Variants in RBFOX1 observed in about 807,000 individuals in gnomAD.
The protein encoded by RBFOX1 is RNA binding protein fox-1 homolog 1.
RBFOX1 carries 8 observed loss-of-function variants against 57.7 expected under a neutral mutation model. The observed-to-expected ratio is 0.14, with a 90% confidence interval of 0.08 to 0.25. The LOEUF is 0.25. RBFOX1 is among the 10% of genes least tolerant of loss of function. The probability of loss-of-function intolerance (pLI) is 1.00; values close to 1 mark genes in which losing one functional copy is unlikely to be tolerated. For synonymous variants in RBFOX1, 326 were observed against 222.4 expected (o/e 1.47, Z -4.15); for missense variants, 611 against 548.5 (o/e 1.11, Z -1.14).
intron 1 of RBFOX1, among the ~76,000 whole-genome samples, chr16:6,310,851 G>A (rs1389196558): frequency 6.6e-6 from 1 of 150,836 alleles, no homozygotes; most frequent in Non-Finnish European, 1.5e-5. Context: ...TGGGGAGTCA[G>A]CCAGGACTCC....
intron 1 of RBFOX1, among the ~76,000 whole-genome samples, chr16:6,253,687 G>C (rs879724605): frequency 4.8e-5 from 5 of 104,480 alleles, no homozygotes; most frequent in Admixed American, 2.1e-4. Context: ...GTGTGTGTGT[G>C]TGTGTGTGTG....
At chr16:7,461,906 A>C (rs952390806) in intron 4 of RBFOX1, among the ~76,000 whole-genome samples, 4 of 152,148 alleles carry the variant, frequency 2.6e-5, no homozygotes, top group African/African-American at 9.7e-5. Flanking sequence ...TACCCACTCC[A>C]GAGAGACTTC....
At chr16:7,000,725 C>G (rs1376853726) in intron 3 of RBFOX1, among the ~76,000 whole-genome samples, 1 of 151,568 alleles carries the variant, frequency 6.6e-6, no homozygotes, top group Non-Finnish European at 1.5e-5. Context: ...CTGCCTCAGC[C>G]TCCCAAGTAG....
Position 7,502,245 on chromosome 16 carries a change from A to G in RBFOX1, c.28-15902A>G, listed in dbSNP as rs1022486657. On this transcript the variant is annotated intron_variant, in intron 4 of 15. Transcript: ENST00000550418. Reference sequence around the variant, plus strand: ...GGCGAATGCAAGCCAACCGATATCTATCATGTCAAACACCTGATTACTATG... The same window carrying G: ...GGCGAATGCAAGCCAACCGATATCTGTCATGTCAAACACCTGATTACTATG... Among the ~76,000 whole-genome samples, 3 of 152,242 alleles carry G rather than the reference A, an allele frequency of 2.0e-5. 1 individual carries two copies. Among genetic ancestry groups the G allele is most frequent in the African/African-American group, 4.8e-5 (2 of 41,472 alleles).
intron 4 of RBFOX1, among the ~76,000 whole-genome samples, chr16:5,999,502 G>T (rs895837565): frequency 4.6e-5 from 7 of 152,052 alleles, no homozygotes; most frequent in Admixed American, 3.9e-4. Flanking sequence ...AAACTTACAT[G>T]CTAAGGCTTT....
At chr16:7,008,428 C>G (rs1021851500) in intron 3 of RBFOX1, among the ~76,000 whole-genome samples, 2 of 151,824 alleles carry the variant, frequency 1.3e-5, no homozygotes, top group African/African-American at 4.8e-5. Context: ...TAATTCCAGA[C>G]ACTCAGAAGT....
rs555636735 is a variant in RBFOX1 at position 5,900,981 on chromosome 16, C to G, written c.351+33646C>G. ...TATCTCAGAGGTGGCATGTGAGAAG[C>G]AGAGAAGCACTGTCCTTTCAGTCTG... On this transcript the variant is annotated intron_variant, in intron 4 of 19. Coordinates refer to the RBFOX1 transcript ENST00000641259. 2.0e-5 allele frequency among the ~76,000 whole-genome samples: 3 copies of G among 152,328 alleles called. No homozygotes were observed. In the East Asian group the frequency reaches 5.8e-4, roughly 29 times the overall value.
intron 1 of RBFOX1, among the ~76,000 whole-genome samples, chr16:6,099,805 C>G (rs2096283110): frequency 6.6e-6 from 1 of 152,192 alleles, no homozygotes; most frequent in South Asian, 2.1e-4. Context: ...CTCCGGGCAT[C>G]CTTCCCTTTT....
chr16:6,692,844 C>T (rs1243186764), intron 3 of RBFOX1, among the ~76,000 whole-genome samples: 1 of 152,046 alleles, frequency 6.6e-6, no homozygotes, highest in Non-Finnish European at 1.5e-5. Flanking sequence ...TCATCCACTA[C>T]CATCACCACC....
intron 4 of RBFOX1, among the ~76,000 whole-genome samples, chr16:7,504,001 G>C (rs1600220987): frequency 6.6e-6 from 1 of 152,186 alleles, no homozygotes; most frequent in East Asian, 1.9e-4. Flanking sequence ...TGGATGAACG[G>C]TGCCCAAGAT....
intron 3 of RBFOX1, among the ~76,000 whole-genome samples, chr16:6,829,284 A>T (rs895454871): frequency 1.3e-5 from 2 of 152,118 alleles, no homozygotes; most frequent in Non-Finnish European, 2.9e-5. Flanking sequence ...GAAATCTGAG[A>T]AGTTCTACTT....
chr16:5,739,091 A>G (rs185634314), intron 3 of RBFOX1, among the ~76,000 whole-genome samples: 13 of 152,276 alleles, frequency 8.5e-5, no homozygotes, highest in African/African-American at 3.1e-4. Flanking sequence ...CTGTTGCCTT[A>G]TTGTCCTTCT....
chr16:6,425,932 A>T (rs1011472493), intron 2 of RBFOX1, among the ~76,000 whole-genome samples: 1 of 152,134 alleles, frequency 6.6e-6, no homozygotes, highest in African/African-American at 2.4e-5. Flanking sequence ...TCCCATGCCT[A>T]TTAAGCAACC....
At chr16:6,961,710 C>G (rs766318627) in intron 3 of RBFOX1, among the ~76,000 whole-genome samples, 1 of 152,138 alleles carries the variant, frequency 6.6e-6, no homozygotes, top group Non-Finnish European at 1.5e-5. Context: ...GTTCCTTCCT[C>G]ACCTTTAGAC....
chr16:6,377,110 A>C (rs1341889869), intron 2 of RBFOX1, among the ~76,000 whole-genome samples: 2 of 150,818 alleles, frequency 1.3e-5, no homozygotes, highest in African/African-American at 4.9e-5. Context: ...CCATCCCTAC[A>C]AAAAAAAATT....
At chr16:7,099,117 T>A (rs1166980685) in intron 4 of RBFOX1, among the ~76,000 whole-genome samples, 2 of 152,146 alleles carry the variant, frequency 1.3e-5, no homozygotes, top group African/African-American at 2.4e-5. Context: ...GTACTTAGAA[T>A]CAGAGATGGC....
chr16:7,018,178 T>C (rs767916355), intron 3 of RBFOX1, among the ~76,000 whole-genome samples: 2 of 152,116 alleles, frequency 1.3e-5, no homozygotes, highest in Non-Finnish European at 2.9e-5. Flanking sequence ...CCACGAGCCG[T>C]GCATTCGTGG....
chr16:7,151,158 G>A (rs564721324), intron 4 of RBFOX1, among the ~76,000 whole-genome samples: 36 of 152,244 alleles, frequency 2.4e-4, no homozygotes, highest in African/African-American at 8.4e-4. Context: ...AAAGAAAGAT[G>A]GTTGCTGAAC....
At chr16:7,671,099 A>G (rs932641397) in intron 13 of RBFOX1, among the ~76,000 whole-genome samples, 1 of 152,152 alleles carries the variant, frequency 6.6e-6, no homozygotes, top group Admixed American at 6.5e-5. Flanking sequence ...TAATTTAACA[A>G]GTAAAGGCAT....
Sources: allele counts gnomAD v4.1 joint callset (sites outside exome capture counted in the v4.1 genomes callset), GRCh38; gene constraint gnomAD v4.1.1; transcripts MANE v1.5; gene names NCBI Gene and HGNC (gene_info 2026-07-23, HGNC 2026-07-21).